CCDC191: variants seen among roughly 807,000 people sequenced by gnomAD.
The protein encoded by CCDC191 is coiled-coil domain containing 191.
In CCDC191, 99 loss-of-function variants were observed where a neutral mutation model predicts 114.0. The observed-to-expected ratio is 0.87, with a 90% CI of 0.74 to 1.03. The LOEUF (loss-of-function observed/expected upper bound fraction) is 1.03. Ranked by LOEUF, CCDC191 falls within the 50% of genes least tolerant of loss-of-function variation. The pLI, the probability that CCDC191 is intolerant of heterozygous loss-of-function variation, is 0.00. For missense variants in CCDC191, 973 were observed against 1,087.0 expected, an observed-to-expected ratio of 0.90 and a Z score of 1.47; for synonymous variants, 351 against 376.0, an observed-to-expected ratio of 0.93 and a Z score of 0.77.
chr3:113,985,143 G>T (rs1427528448), intron 13 of CCDC191, among the ~76,000 whole-genome samples: 2 of 152,136 alleles, frequency 1.3e-5, no homozygotes, highest in African/African-American at 4.8e-5. Flanking sequence ...CCCTTTGAAG[G>T]CTTTTCTTAT....
In CCDC191 at chr3:114,031,641, G is replaced by C; in HGVS notation, c.957C>G (p.Phe319Leu). The C allele has an allele frequency of 1.9e-6, 3 of 1,610,508 alleles. No individual in the cohort carries two copies. Among genetic ancestry groups the C allele is most frequent in the Non-Finnish European group, 2.5e-6 (3 of 1,177,046 alleles). The change falls in exon 7 of 17, where the codon TTC becomes TTG. Residue 319 changes from phenylalanine to leucine, a missense_variant. Transcript: ENST00000295878. The part of the protein sequence containing the change: ...RKLKEVLIQT[F>L]KENQQCQKRY... ...CAATTCCCACCTGTTGATTTTCTTT[G>C]AAAGTTTGGATTAATACTTCTTTCA...
At chr3:114,004,466 G>A (rs1577395359) in intron 11 of CCDC191, 171 bp downstream of exon 11, 3 of 1,212,480 alleles carry the variant, frequency 2.5e-6, no homozygotes, top group Admixed American at 4.2e-5. Flanking sequence ...AAAAGTAGTG[G>A]GGCTCTCTGG....
intron 2 of CCDC191, among the ~76,000 whole-genome samples, chr3:114,048,899 GA>G (rs2076665264): frequency 6.6e-6 from 1 of 152,228 alleles, no homozygotes; most frequent in South Asian, 2.1e-4. Context: ...ATGAATACAT[GA>G]AAACTTTATT....
rs1021157998 is a variant in CCDC191 at position 114,046,840 on chromosome 3, G to A, written c.130-108C>T. The A allele has an allele frequency of 1.3e-5, 18 of 1,396,788 alleles. No individual in the cohort carries two copies. In the African/African-American group the frequency reaches 1.3e-4, roughly 10 times the overall value. 86.5% of individuals were successfully genotyped at this position (1,396,788 alleles called of 1,614,324 possible). A position where few individuals can be genotyped will look rare whatever the true frequency, so the allele number is the denominator to read the frequency against. ...GATTTTCTACCACCTACTAAGATTC[G>A]TTCATTTTTCCATTTTTGGAGAAAC... On this transcript the variant is annotated intron_variant, in intron 2 of 16. Transcript: ENST00000295878.
chr3:113,999,824 CTAA>C (rs966173608), intron 13 of CCDC191, among the ~76,000 whole-genome samples: 1 of 152,118 alleles, frequency 6.6e-6, no homozygotes, highest in African/African-American at 2.4e-5. Context: ...ATTTAAGTTA[CTAA>C]TATTATATCA....
intron 2 of CCDC191, among the ~76,000 whole-genome samples, chr3:114,052,833 A>G (rs1384558625): frequency 2.0e-5 from 3 of 152,232 alleles, no homozygotes; most frequent in African/African-American, 7.2e-5. Flanking sequence ...AATTTAGATG[A>G]GTAATCACTC....
At chr3:113,988,497 G>T (rs1023518729) in intron 13 of CCDC191, among the ~76,000 whole-genome samples, 3 of 151,512 alleles carry the variant, frequency 2.0e-5, no homozygotes, top group Non-Finnish European at 4.4e-5. Context: ...GTGGTGGTGC[G>T]TGCCTGTAAT....
intron 2 of CCDC191, chr3:114,046,994 A>C (rs2076638909): frequency 1.0e-6 from 1 of 961,482 alleles, no homozygotes; most frequent in African/African-American, 1.8e-5. Flanking sequence ...AGTTATTAAG[A>C]TTTAGATAAC....
chr3:113,996,255 A>C (rs2075718746), intron 13 of CCDC191, among the ~76,000 whole-genome samples: 1 of 152,156 alleles, frequency 6.6e-6, no homozygotes, highest in Non-Finnish European at 1.5e-5. Context: ...TTTACATTTA[A>C]ATCTTTAATC....
intron 16 of CCDC191, among the ~76,000 whole-genome samples, chr3:113,965,919 G>C (rs2107541090): frequency 6.6e-6 from 1 of 151,994 alleles, no homozygotes; most frequent in South Asian, 2.1e-4. Context: ...TTGATTGAGT[G>C]GTGAAGGAAA....
At chr3:113,969,347 G>A (rs1467893861) in intron 16 of CCDC191, among the ~76,000 whole-genome samples, 1 of 152,140 alleles carries the variant, frequency 6.6e-6, no homozygotes, top group Non-Finnish European at 1.5e-5. Flanking sequence ...AAACTTTTTA[G>A]CTTGATGTAA....
Position 114,053,605 on chromosome 3 carries a change from A to G in CCDC191, c.121T>C (p.Trp41Arg). The G allele has an allele frequency of 6.3e-7, 1 of 1,580,466 alleles. No individual in the cohort carries two copies. The highest frequency in any genetic ancestry group is 8.7e-7 in the Non-Finnish European group (1 of 1,152,980). Residue 41 changes from tryptophan (W) to arginine (R), a missense_variant, in exon 2 of 17, where the codon TGG becomes CGG. Trp to Arg is a moderately radical substitution (Grantham distance 101). Transcript: ENST00000295878. ...ATTTGAAATATCCTTACCTTTATCCAGTGTTCCACACTGTCAGGACCAAAA... is the reference window on the plus strand; with the variant it reads ...ATTTGAAATATCCTTACCTTTATCCGGTGTTCCACACTGTCAGGACCAAAA... ...PTFGPDSVEH[W>R]IKRVEKASEF...
In CCDC191 at chr3:114,018,717, TC is replaced by T; in HGVS notation, c.1123del (p.Glu375ArgfsTer44). 6.2e-7 allele frequency: 1 copy of T among 1,613,016 alleles called. No individual in the cohort carries two copies. The highest frequency in any genetic ancestry group is 1.3e-5 in the African/African-American group (1 of 74,904). On this transcript the variant is annotated frameshift_variant, in exon 8 of 17. Transcript: ENST00000295878. LOFTEE classifies it high-confidence loss of function. ...DYTRFQKLERETQALENDLRE... is the reference protein window; with the variant it reads ...DYTRFQKLERXTQALENDLRE... ...AAGATCATTTTCCAAGGCTTGAGTCTCCCGCTCCAACTTCTGGAATCTTGTG... is the reference window on the plus strand; with the variant it reads ...AAGATCATTTTCCAAGGCTTGAGTCTCCGCTCCAACTTCTGGAATCTTGTG...
At chr3:113,975,276 C>T (rs1236908840) in intron 16 of CCDC191, among the ~76,000 whole-genome samples, 1 of 152,154 alleles carries the variant, frequency 6.6e-6, no homozygotes, top group South Asian at 2.1e-4. Context: ...TATTGAGAAT[C>T]ATCTTTCTCG....
intron 13 of CCDC191, among the ~76,000 whole-genome samples, chr3:113,982,100 A>C (rs1203245145): frequency 2.6e-5 from 4 of 152,228 alleles, no homozygotes; most frequent in Admixed American, 1.3e-4. Flanking sequence ...TCAGGCTCAG[A>C]CAAAAGAACT....
chr3:113,974,925 A>G (rs189421232), intron 16 of CCDC191, among the ~76,000 whole-genome samples: 22 of 152,236 alleles, frequency 1.4e-4, no homozygotes, highest in Non-Finnish European at 2.4e-4. Flanking sequence ...ACCAGGGGCC[A>G]TGTTATTAGG....
intron 8 of CCDC191, among the ~76,000 whole-genome samples, chr3:114,017,049 G>A (rs981332159): frequency 1.3e-5 from 2 of 151,524 alleles, no homozygotes; most frequent in African/African-American, 2.4e-5. Context: ...CATATCATAG[G>A]AAAGGGAGAT....
chr3:113,991,943 T>C (rs1337159446), intron 13 of CCDC191, among the ~76,000 whole-genome samples: 3 of 151,982 alleles, frequency 2.0e-5, no homozygotes, highest in Admixed American at 2.0e-4. Flanking sequence ...TAGGTACAAA[T>C]CTAACAAAAT....
chr3:113,975,285 C>T (rs138696243), intron 16 of CCDC191, among the ~76,000 whole-genome samples: 1 of 152,228 alleles, frequency 6.6e-6, no homozygotes, highest in African/African-American at 2.4e-5. Flanking sequence ...TCATCTTTCT[C>T]GATGTTATTG....
Sources: gnomAD v4.1 joint callset for allele counts (sites outside exome capture counted in the v4.1 genomes callset) on GRCh38, gnomAD v4.1.1 for gene constraint, MANE v1.5 for transcripts, NCBI Gene and HGNC (gene_info 2026-07-23, HGNC 2026-07-21) for gene names.